Variants in TMEM132C observed in about 807,000 individuals in gnomAD.
TMEM132C encodes the protein protein phosphatase 1, regulatory subunit 152.
In TMEM132C, 29 loss-of-function variants were observed where a neutral mutation model predicts 61.4. The ratio of observed to expected loss-of-function variants is 0.47; its 90% CI spans 0.35 to 0.64. The LOEUF is 0.64. Ranked by LOEUF, TMEM132C falls within the 30% of genes least tolerant of loss-of-function variation. The pLI is 0.00. For synonymous variants in TMEM132C, 656 were observed against 633.1 expected, an observed-to-expected ratio of 1.04 and a Z score of -0.54; for missense variants, 1,408 against 1,476.9, an observed-to-expected ratio of 0.95 and a Z score of 0.76.
At chr12:128,682,989 C>T (rs1322553952) in intron 5 of TMEM132C, among the ~76,000 whole-genome samples, 3 of 152,136 alleles carry the variant, frequency 2.0e-5, no homozygotes, top group African/African-American at 7.2e-5. Context: ...CCTCCCTGTG[C>T]GTCTGCCTCT....
chr12:128,517,539 A>G (rs1347774185), intron 2 of TMEM132C, among the ~76,000 whole-genome samples: 2 of 152,202 alleles, frequency 1.3e-5, no homozygotes, highest in African/African-American at 2.4e-5. Context: ...AGATTGATCC[A>G]TGGATGGACA....
intron 2 of TMEM132C, among the ~76,000 whole-genome samples, chr12:128,482,377 A>C (rs1871339805): frequency 6.6e-6 from 1 of 152,214 alleles, no homozygotes; most frequent in Admixed American, 6.5e-5. Flanking sequence ...TCGGTTTGCC[A>C]GTATTTTATT....
chr12:128,355,158 GAAGA>G (rs1184296515), intron 1 of TMEM132C, among the ~76,000 whole-genome samples: 1 of 152,166 alleles, frequency 6.6e-6, no homozygotes, highest in Non-Finnish European at 1.5e-5. Context: ...GAAGCCCAAA[GAAGA>G]AACAACCCTA....
intron 1 of TMEM132C, among the ~76,000 whole-genome samples, chr12:128,390,580 G>T (rs910130901): frequency 1.3e-5 from 2 of 152,132 alleles, no homozygotes; most frequent in Admixed American, 1.3e-4. Flanking sequence ...GCCTCCACCT[G>T]TAGCCGCACC....
At chr12:128,536,506 G>A (rs1873533422) in intron 2 of TMEM132C, among the ~76,000 whole-genome samples, 3 of 149,366 alleles carry the variant, frequency 2.0e-5, no homozygotes. Flanking sequence ...TTGTGCACGT[G>A]TACCCTAGAA....
intron 2 of TMEM132C, among the ~76,000 whole-genome samples, chr12:128,540,110 A>C (rs1252894297): frequency 6.6e-6 from 1 of 151,568 alleles, no homozygotes. Context: ...CATTCCACCG[A>C]CTTTCCATTT....
chr12:128,654,932 G>A (rs1954309116), intron 4 of TMEM132C, among the ~76,000 whole-genome samples: 1 of 152,196 alleles, frequency 6.6e-6, no homozygotes, highest in South Asian at 2.1e-4. Context: ...TTCCTGAGAA[G>A]CCTCCTCTCT....
intron 6 of TMEM132C, 28 bp downstream of exon 6, chr12:128,694,062 G>C (rs1566017285): frequency 1.3e-6 from 2 of 1,548,264 alleles, no homozygotes; most frequent in East Asian, 2.4e-5. Flanking sequence ...AGATGCCCTA[G>C]AGCCAAAACA....
chr12:128,396,537 A>G (rs1027394429), intron 1 of TMEM132C, among the ~76,000 whole-genome samples: 7 of 152,186 alleles, frequency 4.6e-5, no homozygotes, highest in Non-Finnish European at 1.0e-4. Context: ...AAACCTGCAC[A>G]TTCTGCACAT....
At chr12:128,651,029 AT>A (rs1954263468) in intron 4 of TMEM132C, among the ~76,000 whole-genome samples, 1 of 152,178 alleles carries the variant, frequency 6.6e-6, no homozygotes, top group East Asian at 1.9e-4. Flanking sequence ...GGGACTGCAG[AT>A]TCAAACCATG....
intron 3 of TMEM132C, among the ~76,000 whole-genome samples, chr12:128,587,483 A>G (rs78508950): frequency 0.017 from 2,594 of 152,228 alleles, 25 homozygotes; most frequent in Non-Finnish European, 0.023. Flanking sequence ...TCCTCACACA[A>G]TCACCTCGGG....
At chr12:128,520,743 T>C (rs1156309324) in intron 2 of TMEM132C, among the ~76,000 whole-genome samples, 1 of 152,122 alleles carries the variant, frequency 6.6e-6, no homozygotes, top group Non-Finnish European at 1.5e-5. Flanking sequence ...TTAACAGGTT[T>C]ATTTTAAACC....
At chr12:128,526,155 T>A (rs1873078167) in intron 2 of TMEM132C, among the ~76,000 whole-genome samples, 1 of 152,242 alleles carries the variant, frequency 6.6e-6, no homozygotes, top group Admixed American at 6.5e-5. Context: ...GGAGCTCTTC[T>A]AGATGCCAGA....
At chr12:128,309,388 A>G (rs1389785605) in intron 1 of TMEM132C, among the ~76,000 whole-genome samples, 1 of 152,250 alleles carries the variant, frequency 6.6e-6, no homozygotes, top group East Asian at 1.9e-4. Context: ...TGAAATTCTC[A>G]TCACATACTA....
chr12:128,397,668 CTCT>C (rs931277914), intron 1 of TMEM132C, among the ~76,000 whole-genome samples: 6 of 152,136 alleles, frequency 3.9e-5, no homozygotes, highest in East Asian at 1.9e-4. Flanking sequence ...CAATGCTTTT[CTCT>C]TCTTCTTCTC....
At chr12:128,374,081 A>C (rs759366112) in intron 1 of TMEM132C, among the ~76,000 whole-genome samples, 2 of 152,158 alleles carry the variant, frequency 1.3e-5, no homozygotes, top group Non-Finnish European at 2.9e-5. Context: ...CATGCTGTGT[A>C]AGACACGATG....
chr12:128,304,129 G>A (rs569592965), intron 1 of TMEM132C, among the ~76,000 whole-genome samples: 1 of 152,226 alleles, frequency 6.6e-6, no homozygotes, highest in South Asian at 2.1e-4. Flanking sequence ...ACAAGTTCGT[G>A]AGTAACAAAA....
rs1444104944 is a variant in TMEM132C at position 128,694,049 on chromosome 12, G to C, written c.1655+15G>C. ...ACCAATAAGAGGTGAGCCTCGGATG[G>C]GGAGATGCCCTAGAGCCAAAACAAC... On this transcript the variant is annotated intron_variant, in intron 6 of 8. Coordinates refer to ENST00000435159, the MANE Select transcript of TMEM132C (RefSeq NM_001136103.3). 3.9e-6 allele frequency: 6 copies of C among 1,551,006 alleles called. No homozygotes were observed. The East Asian group carries it at 1.2e-4, about 32-fold the overall frequency.
intron 4 of TMEM132C, among the ~76,000 whole-genome samples, chr12:128,624,456 AT>A (rs1953995002): frequency 6.9e-6 from 1 of 145,864 alleles, no homozygotes; most frequent in Non-Finnish European, 1.5e-5. Flanking sequence ...AGGCAGGAGA[AT>A]TGCTTGAACT....
Sources: gnomAD v4.1 joint callset for allele counts (sites outside exome capture counted in the v4.1 genomes callset) on GRCh38, gnomAD v4.1.1 for gene constraint, MANE v1.5 for transcripts, NCBI Gene and HGNC (gene_info 2026-07-23, HGNC 2026-07-21) for gene names.